Variants in CD79B observed in about 807,000 individuals in gnomAD.
CD79B encodes B-cell antigen receptor complex-associated protein beta chain.
In CD79B, 7 loss-of-function variants were observed where a neutral mutation model predicts 30.0. That is an observed-to-expected ratio of 0.23 (90% CI 0.13 to 0.44). The LOEUF is 0.44. Among genes scored for constraint, CD79B ranks in the 20% least tolerant of loss-of-function variants. CD79B has a pLI of 1.00. For missense variants in CD79B, 218 were observed against 299.1 expected, an observed-to-expected ratio of 0.73 and a Z score of 2.00; for synonymous variants, 118 against 119.2, an observed-to-expected ratio of 0.99 and a Z score of 0.07.
intron 2 of CD79B, 154 bp downstream of exon 2, chr17:63,931,181 A>T: frequency 2.7e-6 from 2 of 753,106 alleles, no homozygotes; most frequent in South Asian, 1.4e-5. Flanking sequence ...TGGGGCTCAG[A>T]GGAGATCCTA....
At chr17:63,931,020 G>A (rs1299167276) in intron 2 of CD79B, 4 of 442,454 alleles carry the variant, frequency 9.0e-6, no homozygotes, top group South Asian at 4.2e-5. Flanking sequence ...GGGCTCACCC[G>A]AGACTCAGCC....
In CD79B at chr17:63,928,916, C is replaced by G. The variant is rs537034400; in HGVS notation, c.*310G>C. 2.1e-6 allele frequency: 1 copy of G among 478,354 alleles called. No individual in the cohort carries two copies. The highest frequency in any genetic ancestry group is 1.9e-5 in the African/African-American group (1 of 52,064). 29.6% of individuals were successfully genotyped at this position (478,354 alleles called of 1,614,324 possible). On this transcript the variant is annotated 3_prime_UTR_variant, in exon 6 of 6. Transcript: ENST00000006750. ...AGGCCCTCGGCTCCGAGTCCATTTG[C>G]GGGCTCTGGACCAGTCTCTGCCTCC... is the stretch of plus-strand genomic sequence containing the variant.
At chr17:63,930,574 G>C in intron 2 of CD79B, 189 bp from the exon 3 acceptor site, 2 of 625,104 alleles carry the variant, frequency 3.2e-6, no homozygotes, top group Non-Finnish European at 5.7e-6. Context: ...AGCCACATGA[G>C]AAGCCACGGC....
chr17:63,931,915 A>C (rs550264482), intron 1 of CD79B: 1 of 524,246 alleles, frequency 1.9e-6, no homozygotes, highest in African/African-American at 1.9e-5. Context: ...TCCTGAGCCT[A>C]GTTCTTCCAC....
chr17:63,930,862 GACTT>G, intron 2 of CD79B: 1 of 303,194 alleles, frequency 3.3e-6, no homozygotes, highest in East Asian at 8.3e-5. Context: ...CTCCCTGCAT[GACTT>G]CCCTCTATCA....
intron 2 of CD79B, chr17:63,931,053 G>T: frequency 2.0e-6 from 1 of 488,292 alleles, no homozygotes; most frequent in Non-Finnish European, 3.8e-6. Context: ...AGACAGGCCC[G>T]GGCCTGAGTC....
rs534959418 is a variant in CD79B, at chr17:63,931,295, A to G, written c.118+40T>C. The G allele has an allele frequency of 6.2e-6, 10 of 1,605,360 alleles. No individual in the cohort carries two copies. The East Asian group carries it at 1.3e-4, about 21-fold the overall frequency. On this transcript the variant is annotated intron_variant, in intron 2 of 5. Transcript: ENST00000006750. ...ATAGTCGGACACAGGACATAGTCGC[A>G]CACAACTTGCCCTCAGAAGCGGCAG... is the stretch of plus-strand genomic sequence containing the variant.
rs761649712 is a variant in CD79B at position 63,929,782 on chromosome 17, C to G, written c.537G>C (p.Leu179=). The change falls in exon 4 of 6, where the codon CTG becomes CTC. Residue 179 remains leucine, a synonymous_variant. Coordinates refer to ENST00000006750, the MANE Select transcript of CD79B (RefSeq NM_000626.4). ...IILFIIVPIF[L]LLDKDDSKAG... ...GTCCCCTGATCACCTTGTCCAGCAG[C>G]AGGAAGATAGGCACGATGATGAAGA... is the stretch of plus-strand genomic sequence containing the variant. 24 of 1,609,502 alleles carry G rather than the reference C, an allele frequency of 1.5e-5. No homozygotes were observed. Among genetic ancestry groups the G allele is most frequent in the Non-Finnish European group, 2.0e-5 (24 of 1,178,198 alleles).
chr17:63,930,959 G>A (rs1309742796), intron 2 of CD79B: 1 of 346,116 alleles, frequency 2.9e-6, no homozygotes. Context: ...TGTTCTTAGT[G>A]AGCACTGCCC....
chr17:63,928,943 C>T lies in CD79B; in HGVS notation c.*283G>A. ...GGCTCTGGACCAGTCTCTGCCTCCCCCATCCCATGTGTGGGGACGGATCAC... is the reference window on the plus strand; with the variant it reads ...GGCTCTGGACCAGTCTCTGCCTCCCTCATCCCATGTGTGGGGACGGATCAC... On this transcript the variant is annotated 3_prime_UTR_variant, in exon 6 of 6. Coordinates refer to ENST00000006750, the MANE Select transcript of CD79B (RefSeq NM_000626.4). 1 of 521,224 alleles carries T rather than the reference C, an allele frequency of 1.9e-6. No individual in the cohort carries two copies. The highest frequency in any genetic ancestry group is 3.5e-6 in the Non-Finnish European group (1 of 284,992). 32.3% of individuals were successfully genotyped at this position (521,224 alleles called of 1,614,324 possible). A position where few individuals can be genotyped will look rare whatever the true frequency, so the allele number is the denominator to read the frequency against.
chr17:63,928,774 G>T lies in CD79B; in HGVS notation c.*452C>A, dbSNP rs900630989. 4 of 349,562 alleles carry T rather than the reference G, an allele frequency of 1.1e-5. No individual in the cohort carries two copies. Among genetic ancestry groups the T allele is most frequent in the African/African-American group, 4.1e-5 (2 of 49,286 alleles). 21.7% of individuals were successfully genotyped at this position (349,562 alleles called of 1,614,324 possible). ...AGGACACACCGTTTATTCCACGGGG[G>T]AAGGCACTGGAGGCCAGGGCCTCCC... On this transcript the variant is annotated 3_prime_UTR_variant, in exon 6 of 6. Coordinates refer to ENST00000006750, the MANE Select transcript of CD79B (RefSeq NM_000626.4).
intron 1 of CD79B, among the ~76,000 whole-genome samples, 162 bp from the exon 2 acceptor site, chr17:63,931,547 T>A (rs1388196338): frequency 6.6e-6 from 1 of 152,140 alleles, no homozygotes; most frequent in Non-Finnish European, 1.5e-5. Flanking sequence ...GGGAGACAGA[T>A]ATGGGGTGGG....
At chr17:63,930,820 T>G (rs1024482427) in intron 2 of CD79B, 14 of 308,622 alleles carry the variant, frequency 4.5e-5, no homozygotes, top group Admixed American at 4.7e-5. Flanking sequence ...AAATTCCTAG[T>G]CTGTCAACTG....
chr17:63,929,978 C>T, intron 3 of CD79B, 90 bp from the exon 4 acceptor site: 1 of 1,550,194 alleles, frequency 6.5e-7, no homozygotes, highest in Non-Finnish European at 8.9e-7. Context: ...AGTGGCTCTC[C>T]TGAGTGCTCT....
chr17:63,931,563 CG>C (rs1908129608), intron 1 of CD79B, among the ~76,000 whole-genome samples, 178 bp from the exon 2 acceptor site: 2 of 152,132 alleles, frequency 1.3e-5, no homozygotes, highest in Non-Finnish European at 2.9e-5. Flanking sequence ...GTGGGGGTAC[CG>C]GAAGCCCTGC....
chr17:63,930,366 G>A lies in CD79B; in HGVS notation c.138C>T (p.Ile46=), dbSNP rs750836428. The A allele has an allele frequency of 9.9e-6, 16 of 1,613,872 alleles. No homozygotes were observed. Among genetic ancestry groups the A allele is most frequent in the East Asian group, 2.2e-5 (1 of 44,884 alleles). ...RNPKGSACSR[I]WQSPRFIARK... ...TGGCTATGAAACGTGGGCTCTGCCAGATCCGCGAACAAGCACTACCTGTGG... is the reference window on the plus strand; with the variant it reads ...TGGCTATGAAACGTGGGCTCTGCCAAATCCGCGAACAAGCACTACCTGTGG... The change falls in exon 3 of 6, where the codon ATC becomes ATT. Residue 46 remains isoleucine, a synonymous_variant. Coordinates refer to ENST00000006750, the MANE Select transcript of CD79B (RefSeq NM_000626.4).
Position 63,930,194 on chromosome 17 carries a change from G to C in CD79B, c.310C>G (p.Leu104Val). Reference protein sequence around the residue: ...GRMEESQNESLATLTIQGIRF... With the variant: ...GRMEESQNESVATLTIQGIRF... ...ATGCCTTGGATGGTGAGGGTGGCGA[G>C]AGATTCGTTCTGGGACTCTTCCATG... Residue 104 changes from leucine (L) to valine (V), a missense_variant, in exon 3 of 6, where the codon CTC becomes GTC. By Grantham distance (32) the Leu-to-Val change is conservative. Transcript: ENST00000006750. The C allele has an allele frequency of 6.2e-7, 1 of 1,614,236 alleles. No individual in the cohort carries two copies. Among genetic ancestry groups the C allele is most frequent in the Non-Finnish European group, 8.5e-7 (1 of 1,180,034 alleles).
chr17:63,929,128 G>C lies in CD79B; in HGVS notation c.*98C>G, dbSNP rs1907955672. On this transcript the variant is annotated 3_prime_UTR_variant, in exon 6 of 6. Transcript: ENST00000006750. The stretch of plus-strand genomic sequence containing the variant: ...GGTGGGCCAGCTTCAGAGGCCAGCT[G>C]GGGGGTCCAGGAAAGGGGTTGGGCC... 3.6e-6 allele frequency: 3 copies of C among 836,074 alleles called. No individual in the cohort carries two copies. The highest frequency in any genetic ancestry group is 6.2e-6 in the Non-Finnish European group (3 of 484,764). The allele number at this position is 836,074 out of a possible 1,614,324, so 51.8% of individuals were successfully genotyped here. A position where few individuals can be genotyped will look rare whatever the true frequency, so the allele number is the denominator to read the frequency against.
At chr17:63,931,988 G>A (rs914897946) in intron 1 of CD79B, 9 of 658,090 alleles carry the variant, frequency 1.4e-5, no homozygotes, top group Non-Finnish European at 2.2e-5. Context: ...TCTCCAGGCA[G>A]GAGAGGAACT....
Sources: allele counts gnomAD v4.1 joint callset (sites outside exome capture counted in the v4.1 genomes callset), GRCh38; gene constraint gnomAD v4.1.1; transcripts MANE v1.5; gene names NCBI Gene and HGNC (gene_info 2026-07-23, HGNC 2026-07-21).